Variants in MAP3K19 observed in about 807,000 individuals in gnomAD.
The protein encoded by MAP3K19 is SPS1/STE20-related protein kinase YSK4.
In MAP3K19, 91 loss-of-function variants were observed where a neutral mutation model predicts 114.4. The observed-to-expected ratio is 0.80, with a 90% confidence interval of 0.67 to 0.95. MAP3K19 has a LOEUF of 0.95. Ranked by LOEUF, MAP3K19 falls within the 40% of genes least tolerant of loss-of-function variation. MAP3K19 has a pLI of 0.00. For missense variants in MAP3K19, 1,471 were observed against 1,573.2 expected, an observed-to-expected ratio of 0.94 and a Z score of 1.10; for synonymous variants, 518 against 530.5, an observed-to-expected ratio of 0.98 and a Z score of 0.32.
intron 12 of MAP3K19, among the ~76,000 whole-genome samples, chr2:134,978,102 T>G (rs1684375287): frequency 6.6e-6 from 1 of 152,176 alleles, no homozygotes; most frequent in African/African-American, 2.4e-5. Flanking sequence ...TGCCATGCAT[T>G]TCTGTTAGCT....
intron 12 of MAP3K19, among the ~76,000 whole-genome samples, chr2:134,974,267 C>A (rs970423792): frequency 3.3e-5 from 5 of 152,190 alleles, no homozygotes; most frequent in African/African-American, 1.2e-4. Flanking sequence ...TTCCAAAGTG[C>A]TGGGATTACA....
chr2:135,015,465 T>C (rs990275644), intron 5 of MAP3K19, among the ~76,000 whole-genome samples: 1 of 152,220 alleles, frequency 6.6e-6, no homozygotes, highest in Non-Finnish European at 1.5e-5. Flanking sequence ...ACATTTTAAG[T>C]ATCTTTTCTC....
In MAP3K19 at chr2:135,025,372, CTTTTCTT is replaced by C. The variant is rs1482814389; in HGVS notation, c.-94-638_-94-632del. On this transcript the variant is annotated intron_variant, in intron 3 of 12. Transcript: ENST00000392915. The stretch of plus-strand genomic sequence containing the variant: ...AGTGTGCCTCTCCACATGGCCTTTT[CTTTTCTT>C]TTTTTTTTTTTTTTTTTTTTTTTTG... Among the ~76,000 whole-genome samples the C allele has an allele frequency of 7.0e-4, 49 of 70,138 alleles. 5 individuals are homozygous for C. The highest frequency in any genetic ancestry group is 2.5e-3 in the African/African-American group (36 of 14,188). The allele number at this position is 70,138 out of a possible 152,430, so 46.0% of individuals were successfully genotyped here. A position where few individuals can be genotyped will look rare whatever the true frequency, so the allele number is the denominator to read the frequency against.
At chr2:135,045,698 A>G (rs973248051) in intron 1 of MAP3K19, among the ~76,000 whole-genome samples, 1 of 152,204 alleles carries the variant, frequency 6.6e-6, no homozygotes, top group African/African-American at 2.4e-5. Flanking sequence ...CATAAGTAGT[A>G]TCTATCATCT....
At chr2:134,978,679 G>T (rs1477639186) in intron 12 of MAP3K19, among the ~76,000 whole-genome samples, 1 of 152,026 alleles carries the variant, frequency 6.6e-6, no homozygotes, top group African/African-American at 2.4e-5. Context: ...CTATCATTCT[G>T]CTCCATTACC....
At chr2:134,973,036 G>C (rs1214025215) in intron 12 of MAP3K19, among the ~76,000 whole-genome samples, 1 of 152,118 alleles carries the variant, frequency 6.6e-6, no homozygotes, top group Non-Finnish European at 1.5e-5. Context: ...GTTGAAACTT[G>C]TTTTGCAGCC....
intron 12 of MAP3K19, among the ~76,000 whole-genome samples, chr2:134,968,607 G>A (rs1318614465): frequency 7.1e-6 from 1 of 141,826 alleles, no homozygotes; most frequent in African/African-American, 2.7e-5. Context: ...GCGGTTGCCA[G>A]GCAGAGGGTC....
chr2:135,047,199 G>A lies in MAP3K19; in HGVS notation c.-438C>T, dbSNP rs1688761183. On this transcript the variant is annotated 5_prime_UTR_variant, in exon 1 of 13. The change creates a premature stop within an existing upstream ORF in the 5' untranslated region. Coordinates refer to ENST00000392915, the MANE Select transcript of MAP3K19 (RefSeq NM_025052.5). ...ATTCGGCTTACCTGTGCTGTGTTTT[G>A]CTGAGGGACGTGGCACACAGTTGAA... 1 of 152,144 alleles carries A rather than the reference G, an allele frequency of 6.6e-6. No homozygotes were observed. The highest frequency in any genetic ancestry group is 2.1e-4 in the South Asian group (1 of 4,822). The allele number at this position is 152,144 out of a possible 1,614,324, so 9.4% of individuals were successfully genotyped here.
chr2:134,988,486 G>T (rs1437998712), intron 9 of MAP3K19, among the ~76,000 whole-genome samples: 1 of 152,026 alleles, frequency 6.6e-6, no homozygotes, highest in African/African-American at 2.4e-5. Context: ...GACTTCCTGG[G>T]CTCAAGCGAT....
At chr2:134,994,527 G>A (rs888907100) in intron 8 of MAP3K19, among the ~76,000 whole-genome samples, 1 of 152,202 alleles carries the variant, frequency 6.6e-6, no homozygotes, top group Admixed American at 6.5e-5. Context: ...GAGCAGAAAT[G>A]GGGAGCTGGA....
rs551518997 is a variant in MAP3K19 at position 134,997,839 on chromosome 2, A to G, written c.574+899T>C. On this transcript the variant is annotated intron_variant, in intron 8 of 12. Transcript: ENST00000392915. The stretch of plus-strand genomic sequence containing the variant: ...TCTCAAAAAAAAAAAAACTTTAAGC[A>G]CTGCTTCATTTAAATTTCACTTAAA... 1.3e-3 allele frequency among the ~76,000 whole-genome samples: 190 copies of G among 151,398 alleles called. 2 individuals carry two copies. Among genetic ancestry groups the G allele is most frequent in the South Asian group, 4.0e-3 (19 of 4,736 alleles).
intron 5 of MAP3K19, among the ~76,000 whole-genome samples, chr2:135,008,064 T>A (rs1686956745): frequency 6.6e-6 from 1 of 152,192 alleles, no homozygotes; most frequent in Non-Finnish European, 1.5e-5. Context: ...AAGTGTCATT[T>A]TAATTTTAAT....
chr2:134,989,462 C>A lies in MAP3K19; in HGVS notation c.619-1209G>T, dbSNP rs984640976. On this transcript the variant is annotated intron_variant, in intron 9 of 12. Coordinates refer to ENST00000392915, the MANE Select transcript of MAP3K19 (RefSeq NM_025052.5). ...AAAAGTAGATGAGATGTAGTGTAGA[C>A]CCCAGTTTTACTGTCTAGATGATTT... Among the ~76,000 whole-genome samples, 25 of 152,158 alleles carry A rather than the reference C, an allele frequency of 1.6e-4. 1 individual carries two copies. Among genetic ancestry groups the A allele is most frequent in the African/African-American group, 6.0e-4 (25 of 41,498 alleles).
In MAP3K19 at chr2:134,999,848, G is replaced by T; in HGVS notation, c.314+89C>A. The T allele has an allele frequency of 1.2e-6, 1 of 865,140 alleles. No individual in the cohort carries two copies. The allele number at this position is 865,140 out of a possible 1,614,324, so 53.6% of individuals were successfully genotyped here. A position where few individuals can be genotyped will look rare whatever the true frequency, so the allele number is the denominator to read the frequency against. ...ACCTCTACTTTTAAGCATTATTATG[G>T]ATTCAATTACTAATAATGTAGGTTG... On this transcript the variant is annotated intron_variant, in intron 7 of 12. Transcript: ENST00000392915. This position sits in a 1 kb window ranked among gnomAD's most constrained non-coding sequence, Gnocchi z 4.1.
At chr2:134,996,971 C>A (rs1289849115) in intron 8 of MAP3K19, among the ~76,000 whole-genome samples, 1 of 152,092 alleles carries the variant, frequency 6.6e-6, no homozygotes, top group African/African-American at 2.4e-5. Context: ...ATCGCTTGAG[C>A]CCAGGAGGCA....
At position 135,020,117 on chromosome 2, in the gene MAP3K19, A is replaced by T. The variant is rs182999997; in HGVS notation, c.138+1598T>A. On this transcript the variant is annotated intron_variant, in intron 5 of 12. Coordinates refer to ENST00000392915, the MANE Select transcript of MAP3K19 (RefSeq NM_025052.5). ...ACTGCAACCTCTGCCTCCCTGGTTCAAGCGATCCTCCTGCCTCAGCCTCCT... is the reference window on the plus strand; with the variant it reads ...ACTGCAACCTCTGCCTCCCTGGTTCTAGCGATCCTCCTGCCTCAGCCTCCT... Among the ~76,000 whole-genome samples, 52 of 152,168 alleles carry T rather than the reference A, an allele frequency of 3.4e-4. No individual in the cohort carries two copies. The East Asian group carries it at 6.2e-3, about 18-fold the overall frequency.
chr2:135,025,447 G>A (rs1275622634), intron 3 of MAP3K19, among the ~76,000 whole-genome samples: 1 of 137,376 alleles, frequency 7.3e-6, no homozygotes, highest in Non-Finnish European at 1.5e-5. Flanking sequence ...GTGCAGTGGC[G>A]CGATCTCGGC....
intron 11 of MAP3K19, chr2:134,983,293 CTGTTGAAGGAAGA>C (rs1559146053): frequency 1.8e-6 from 1 of 540,774 alleles, no homozygotes; most frequent in South Asian, 1.4e-5. Context: ...ACATATTCAG[CTGTTGAAGGAAGA>C]TATTTCTTTC....
At chr2:135,019,884 C>T (rs1687850514) in intron 5 of MAP3K19, among the ~76,000 whole-genome samples, 1 of 152,164 alleles carries the variant, frequency 6.6e-6, no homozygotes, top group South Asian at 2.1e-4. Flanking sequence ...GTTACTAATA[C>T]TGTTACTGTA....
Sources: gnomAD v4.1 joint callset for allele counts (sites outside exome capture counted in the v4.1 genomes callset) on GRCh38, gnomAD v4.1.1 for gene constraint, Gnocchi (gnomAD v3.1) non-coding constraint, MANE v1.5 for transcripts, NCBI Gene and HGNC (gene_info 2026-07-23, HGNC 2026-07-21) for gene names.